GRM8: variants seen among roughly 807,000 people sequenced by gnomAD.
The protein encoded by GRM8 is metabotropic glutamate receptor 8.
Under a neutral mutation model 87.2 loss-of-function variants are expected in GRM8, and 47 were observed. The observed-to-expected ratio is 0.54, with a 90% CI of 0.43 to 0.69. The LOEUF (loss-of-function observed/expected upper bound fraction) is 0.69. Among genes scored for constraint, GRM8 ranks in the 30% least tolerant of loss-of-function variants. GRM8 has a pLI of 0.00. For missense variants in GRM8, 1,019 were observed against 1,139.2 expected (o/e 0.89, Z 1.52); for synonymous variants, 396 against 404.5 (o/e 0.98, Z 0.25).
chr7:126,520,211 A>G (rs1262387280), intron 9 of GRM8, among the ~76,000 whole-genome samples: 1 of 152,088 alleles, frequency 6.6e-6, no homozygotes, highest in Non-Finnish European at 1.5e-5. Flanking sequence ...AAGAAGTTTA[A>G]CTTCTTTTCT....
chr7:126,566,242 A>G (rs1273243457), intron 8 of GRM8, among the ~76,000 whole-genome samples: 2 of 152,224 alleles, frequency 1.3e-5, no homozygotes, highest in African/African-American at 2.4e-5. Flanking sequence ...ATGACAATCT[A>G]TGAAATCAGA....
chr7:126,658,929 G>T (rs1263216147), intron 7 of GRM8, among the ~76,000 whole-genome samples: 1 of 151,990 alleles, frequency 6.6e-6, no homozygotes, highest in Admixed American at 6.6e-5. Context: ...AGTCACAGAG[G>T]CCGCAGCCTT....
At chr7:126,791,518 A>G (rs556549036) in intron 6 of GRM8, among the ~76,000 whole-genome samples, 8 of 152,318 alleles carry the variant, frequency 5.3e-5, no homozygotes, top group Admixed American at 2.6e-4. Flanking sequence ...TTCTGCACAC[A>G]TTCAACCACA....
At chr7:127,034,762 A>G (rs1817695189) in intron 3 of GRM8, among the ~76,000 whole-genome samples, 2 of 152,190 alleles carry the variant, frequency 1.3e-5, no homozygotes, top group African/African-American at 2.4e-5. Context: ...ATAACTCTGA[A>G]CATTGCTGTA....
intron 3 of GRM8, among the ~76,000 whole-genome samples, chr7:127,049,922 A>G (rs1819304919): frequency 6.6e-6 from 1 of 152,076 alleles, no homozygotes; most frequent in Non-Finnish European, 1.5e-5. Flanking sequence ...GAAGTGGGGG[A>G]GTCTGGTGTG....
intron 3 of GRM8, among the ~76,000 whole-genome samples, chr7:127,002,346 T>A (rs146596792): frequency 6.6e-6 from 1 of 151,674 alleles, no homozygotes; most frequent in Non-Finnish European, 1.5e-5. Flanking sequence ...TAAATCAAGT[T>A]TAAGGATAAG....
intron 3 of GRM8, among the ~76,000 whole-genome samples, chr7:127,075,256 A>C (rs1219615130): frequency 6.6e-6 from 1 of 152,158 alleles, no homozygotes; most frequent in African/African-American, 2.4e-5. Context: ...TTACCCAGTT[A>C]ATCACAGGTA....
chr7:126,819,223 C>T (rs1262406282), intron 6 of GRM8, among the ~76,000 whole-genome samples: 1 of 151,328 alleles, frequency 6.6e-6, no homozygotes, highest in Non-Finnish European at 1.5e-5. Context: ...ATCATATTAT[C>T]GTCCCCTCAC....
intron 3 of GRM8, among the ~76,000 whole-genome samples, chr7:126,956,355 A>G (rs1808681297): frequency 6.6e-6 from 1 of 152,194 alleles, no homozygotes; most frequent in South Asian, 2.1e-4. Context: ...CCTCAGTTTC[A>G]TTGGAAAAAG....
At chr7:126,612,884 G>A (rs1419478) in intron 7 of GRM8, among the ~76,000 whole-genome samples, 48,587 of 151,936 alleles carry the variant, frequency 0.32, 8,378 homozygotes, top group East Asian at 0.43. Flanking sequence ...CAAACGGAGA[G>A]ACCAAATAAA....
At chr7:126,991,511 CTTTT>C (rs967217393) in intron 3 of GRM8, among the ~76,000 whole-genome samples, 5 of 152,082 alleles carry the variant, frequency 3.3e-5, no homozygotes, top group Admixed American at 1.3e-4. Flanking sequence ...TATGAAATAG[CTTTT>C]TTATTAATTC....
intron 6 of GRM8, among the ~76,000 whole-genome samples, chr7:126,811,561 T>G (rs535283282): frequency 6.6e-6 from 1 of 152,188 alleles, no homozygotes; most frequent in African/African-American, 2.4e-5. Flanking sequence ...GTAGTTTTCC[T>G]TGTAGACATC....
intron 8 of GRM8, among the ~76,000 whole-genome samples, chr7:126,578,571 A>G (rs1223164837): frequency 1.3e-5 from 2 of 152,094 alleles, no homozygotes; most frequent in Non-Finnish European, 1.5e-5. Flanking sequence ...ACATTTAGAG[A>G]GTCTGGGCAG....
At chr7:127,204,104 T>C (rs1795772930) in intron 2 of GRM8, among the ~76,000 whole-genome samples, 1 of 148,750 alleles carries the variant, frequency 6.7e-6, no homozygotes, top group Non-Finnish European at 1.5e-5. Context: ...ACTCAAGCCA[T>C]GCAGTTAATG....
At chr7:126,646,611 A>G (rs1280757746) in intron 7 of GRM8, among the ~76,000 whole-genome samples, 1 of 147,788 alleles carries the variant, frequency 6.8e-6, no homozygotes, top group African/African-American at 2.4e-5. Flanking sequence ...CACATGCTTA[A>G]GAGAAGGCAT....
chr7:127,142,649 T>C (rs2133274215), intron 2 of GRM8, among the ~76,000 whole-genome samples: 1 of 152,238 alleles, frequency 6.6e-6, no homozygotes, highest in African/African-American at 2.4e-5. Context: ...GATAGATATA[T>C]GATAGATGAT....
intron 3 of GRM8, among the ~76,000 whole-genome samples, chr7:127,056,858 T>C (rs1820045140): frequency 6.6e-6 from 1 of 152,214 alleles, no homozygotes; most frequent in South Asian, 2.1e-4. Context: ...TCAGGAGACA[T>C]GAAATTTTGG....
intron 7 of GRM8, among the ~76,000 whole-genome samples, chr7:126,686,506 A>G (rs1231127041): frequency 6.6e-6 from 1 of 152,178 alleles, no homozygotes; most frequent in Non-Finnish European, 1.5e-5. Context: ...CCAAGCTTCC[A>G]GGAGCTACTG....
intron 9 of GRM8, among the ~76,000 whole-genome samples, chr7:126,508,183 C>A (rs1008276248): frequency 6.6e-6 from 1 of 151,886 alleles, no homozygotes; most frequent in Admixed American, 6.6e-5. Context: ...ATTATTATCT[C>A]AGTTTGTTTT....
Sources: gnomAD v4.1 joint callset for allele counts (sites outside exome capture counted in the v4.1 genomes callset) on GRCh38, gnomAD v4.1.1 for gene constraint, MANE v1.5 for transcripts, NCBI Gene and HGNC (gene_info 2026-07-23, HGNC 2026-07-21) for gene names.